BBS9: variants seen among roughly 807,000 people sequenced by gnomAD.
The protein encoded by BBS9 is Bardet-Biedl syndrome 9.
Under a neutral mutation model 117.7 loss-of-function variants are expected in BBS9, and 89 were observed. The observed-to-expected ratio is 0.76, with a 90% CI of 0.64 to 0.90. BBS9 has a LOEUF of 0.90. BBS9 is among the 40% of genes least tolerant of loss of function. The probability of loss-of-function intolerance (pLI) is 0.00; values close to 1 mark genes in which losing one functional copy is unlikely to be tolerated. For missense variants in BBS9, 982 were observed against 1,042.2 expected (o/e 0.94, Z 0.80); for synonymous variants, 379 against 370.9 (o/e 1.02, Z -0.25).
chr7:33,402,868 G>C (rs910402821), intron 19 of BBS9, among the ~76,000 whole-genome samples: 1 of 151,482 alleles, frequency 6.6e-6, no homozygotes, highest in South Asian at 2.1e-4. Flanking sequence ...CTCTTATATC[G>C]CTCCAGTGTC....
intron 21 of BBS9, among the ~76,000 whole-genome samples, chr7:33,568,745 G>A (rs1451009462): frequency 6.6e-6 from 1 of 152,206 alleles, no homozygotes; most frequent in Non-Finnish European, 1.5e-5. Context: ...ATGAAAAAGG[G>A]AAATACAGAA....
At chr7:33,318,369 C>T (rs1022016127) in intron 9 of BBS9, among the ~76,000 whole-genome samples, 5 of 152,076 alleles carry the variant, frequency 3.3e-5, no homozygotes, top group African/African-American at 1.2e-4. Context: ...CATTTGTCCT[C>T]TTATAGCTCT....
chr7:33,510,000 T>G (rs1846693514), intron 20 of BBS9, among the ~76,000 whole-genome samples: 1 of 152,172 alleles, frequency 6.6e-6, no homozygotes. Context: ...TTTTTAAAAG[T>G]GCTCAAAGTT....
At chr7:33,174,422 C>T (rs1301056033) in intron 4 of BBS9, among the ~76,000 whole-genome samples, 1 of 152,180 alleles carries the variant, frequency 6.6e-6, no homozygotes, top group Admixed American at 6.5e-5. Flanking sequence ...GTTGGGCAGC[C>T]TCTTGAGCCA....
intron 9 of BBS9, among the ~76,000 whole-genome samples, chr7:33,282,357 A>G (rs1200543179): frequency 6.6e-6 from 1 of 152,102 alleles, no homozygotes; most frequent in Non-Finnish European, 1.5e-5. Context: ...TTTACAAAAC[A>G]GGACCACATG....
At chr7:33,231,946 C>T (rs992393397) in intron 5 of BBS9, among the ~76,000 whole-genome samples, 1 of 152,056 alleles carries the variant, frequency 6.6e-6, no homozygotes, top group African/African-American at 2.4e-5. Context: ...CCCTCTGCTC[C>T]CCCATCCAGT....
intron 19 of BBS9, among the ~76,000 whole-genome samples, chr7:33,403,626 C>G (rs373232111): frequency 7.3e-5 from 11 of 151,646 alleles, no homozygotes; most frequent in African/African-American, 2.7e-4. Context: ...TCATCCATGT[C>G]CCTACAAAGG....
At chr7:33,485,313 T>G (rs920216638) in intron 19 of BBS9, among the ~76,000 whole-genome samples, 4 of 149,964 alleles carry the variant, frequency 2.7e-5, no homozygotes, top group Non-Finnish European at 4.5e-5. Context: ...TAAAAGTTTT[T>G]TTTTTTTTTT....
intron 5 of BBS9, among the ~76,000 whole-genome samples, chr7:33,190,118 ATTT>A (rs35553731): frequency 3.4e-5 from 4 of 117,694 alleles, no homozygotes; most frequent in Non-Finnish European, 1.7e-5. Flanking sequence ...TTACATGGGG[ATTT>A]TTTTTTTTTT....
intron 7 of BBS9, among the ~76,000 whole-genome samples, chr7:33,266,945 G>A (rs1404038079): frequency 3.3e-5 from 5 of 151,952 alleles, no homozygotes; most frequent in Admixed American, 6.6e-5. Flanking sequence ...GGGTTTTGCC[G>A]TGTTGACCAG....
intron 19 of BBS9, among the ~76,000 whole-genome samples, chr7:33,454,832 CTT>C (rs199560321): frequency 0.01 from 1,546 of 152,286 alleles, 10 homozygotes; most frequent in Middle Eastern, 0.054. Context: ...GGTGCAGTCT[CTT>C]TGTACATCCC....
intron 9 of BBS9, among the ~76,000 whole-genome samples, chr7:33,328,979 T>C (rs981498735): frequency 6.7e-6 from 1 of 150,248 alleles, no homozygotes; most frequent in Admixed American, 6.7e-5. Flanking sequence ...TAAAAAAGGA[T>C]AAGGTTTTCC....
chr7:33,470,487 T>C (rs917241137), intron 19 of BBS9, among the ~76,000 whole-genome samples: 2 of 152,170 alleles, frequency 1.3e-5, no homozygotes, highest in Non-Finnish European at 2.9e-5. Flanking sequence ...ACCACCCCTA[T>C]TTATTGTTCT....
intron 17 of BBS9, among the ~76,000 whole-genome samples, chr7:33,375,122 C>CCTTCCTTAAT (rs1823607645): frequency 6.6e-6 from 1 of 151,994 alleles, no homozygotes; most frequent in African/African-American, 2.4e-5. Flanking sequence ...CATTTTTTTA[C>CCTTCCTTAAT]CTTCCTTAAT....
chr7:33,448,698 G>C (rs1255422727), intron 19 of BBS9, among the ~76,000 whole-genome samples: 1 of 152,164 alleles, frequency 6.6e-6, no homozygotes, highest in Non-Finnish European at 1.5e-5. Flanking sequence ...TAAAGAATAG[G>C]AATCTGAGAC....
intron 5 of BBS9, among the ~76,000 whole-genome samples, chr7:33,192,430 C>T (rs1373935554): frequency 6.6e-6 from 1 of 152,132 alleles, no homozygotes; most frequent in African/African-American, 2.4e-5. Context: ...CAAAACTTGT[C>T]TTTCCTTTAA....
chr7:33,140,886 T>C (rs1454816679), intron 1 of BBS9, among the ~76,000 whole-genome samples: 2 of 152,210 alleles, frequency 1.3e-5, no homozygotes, highest in Non-Finnish European at 2.9e-5. Flanking sequence ...TTCCATCAAC[T>C]CCCAGTGTTT....
intron 18 of BBS9, among the ~76,000 whole-genome samples, chr7:33,387,246 G>A (rs1252735240): frequency 6.6e-6 from 1 of 152,178 alleles, no homozygotes; most frequent in African/African-American, 2.4e-5. Context: ...TTCTAGAAGT[G>A]GGATTGTTAG....
At chr7:33,327,218 G>A (rs1201958523) in intron 9 of BBS9, among the ~76,000 whole-genome samples, 2 of 152,156 alleles carry the variant, frequency 1.3e-5, no homozygotes, top group Non-Finnish European at 2.9e-5. Context: ...ATGAGGTGGA[G>A]GAACATATTA....
Sources: gnomAD v4.1 joint callset for allele counts (sites outside exome capture counted in the v4.1 genomes callset) on GRCh38, gnomAD v4.1.1 for gene constraint, MANE v1.5 for transcripts, NCBI Gene and HGNC (gene_info 2026-07-23, HGNC 2026-07-21) for gene names.